The following CRB1 variants were observed in gnomAD, a reference collection of about 807,000 sequenced individuals.
CRB1 encodes the protein crumbs cell polarity complex component 1, also known as protein crumbs homolog 1.
A neutral mutation model predicts 120.0 loss-of-function variants in CRB1; 83 were observed. The ratio of observed to expected loss-of-function variants is 0.69; its 90% CI spans 0.58 to 0.83. CRB1 has a LOEUF of 0.83. Among genes scored for constraint, CRB1 ranks in the 40% least tolerant of loss-of-function variants. The pLI is 0.00. For synonymous variants in CRB1, 625 were observed against 612.5 expected (o/e 1.02, Z -0.30); for missense variants, 1,699 against 1,687.6 (o/e 1.01, Z -0.12).
intron 11 of CRB1, among the ~76,000 whole-genome samples, chr1:197,467,748 A>G (rs1048645071): frequency 1.3e-5 from 2 of 152,218 alleles, no homozygotes; most frequent in African/African-American, 4.8e-5. Flanking sequence ...CTTTTTCTAC[A>G]CTACAAAATG....
At chr1:197,243,078 G>A in the CRB1 span, among the ~76,000 whole-genome samples, 1 of 151,192 alleles carries the variant, frequency 6.6e-6, no homozygotes, top group Admixed American at 6.6e-5. Flanking sequence ...TCCTTCATTA[G>A]TCTGGCTAGT....
At chr1:197,266,422 C>T (rs1654634965), upstream of CRB1, among the ~76,000 whole-genome samples, 2 of 152,114 alleles carry the variant, frequency 1.3e-5, no homozygotes, top group African/African-American at 4.8e-5. Context: ...GTCTAACCAC[C>T]TTTCAAAACT....
chr1:197,412,930 AT>A (rs983440230), intron 5 of CRB1, among the ~76,000 whole-genome samples: 1 of 151,956 alleles, frequency 6.6e-6, no homozygotes, highest in Non-Finnish European at 1.5e-5. Flanking sequence ...CCTGGCGATT[AT>A]TTTTTTTAAC....
At chr1:197,213,314 G>A in the CRB1 span, among the ~76,000 whole-genome samples, 1 of 152,194 alleles carries the variant, frequency 6.6e-6, no homozygotes, top group South Asian at 2.1e-4. Context: ...GTAAGGAATT[G>A]TGTTGCCATG....
chr1:197,362,358 A>G lies in CRB1; in HGVS notation c.1171+5345A>G, dbSNP rs1256479485. Among the ~76,000 whole-genome samples, 4 of 152,280 alleles carry G rather than the reference A, an allele frequency of 2.6e-5. No individual in the cohort carries two copies. The South Asian group carries it at 6.2e-4, about 24-fold the overall frequency. ...CTGCTATTGTTTAGAGGCGATTTCT[A>G]TATATGTCAATTAAATCCCATTGAC... On this transcript the variant is annotated intron_variant, in intron 5 of 11. Transcript: ENST00000367400.
the CRB1 span, among the ~76,000 whole-genome samples, chr1:197,213,206 A>G: frequency 6.6e-6 from 1 of 152,212 alleles, no homozygotes; most frequent in Non-Finnish European, 1.5e-5. Flanking sequence ...TAGTGTATTA[A>G]GTGATTCAAA....
At chr1:197,222,771 C>A in the CRB1 span, 2 of 1,140,468 alleles carry the variant, frequency 1.8e-6, no homozygotes, top group Non-Finnish European at 2.7e-6. Flanking sequence ...TTCTGAACTC[C>A]AAGTGCTACA....
At chr1:197,290,264 T>TTGTGTGTGTGTGTG in intron 1 of CRB1, among the ~76,000 whole-genome samples, 1 of 89,604 alleles carries the variant, frequency 1.1e-5, no homozygotes, top group African/African-American at 4.8e-5. Context: ...ATGTTCCCTT[T>TTGTGTGTGTGTGTG]CGTGTGTGTG....
intron 1 of CRB1, among the ~76,000 whole-genome samples, chr1:197,324,151 G>T (rs1368425120): frequency 1.3e-5 from 2 of 152,158 alleles, no homozygotes; most frequent in Non-Finnish European, 2.9e-5. Context: ...GTTTCAAGGA[G>T]TTTGCATGAG....
intron 4 of CRB1, among the ~76,000 whole-genome samples, chr1:197,348,467 ATTGT>A (rs1659899613): frequency 1.3e-5 from 2 of 152,122 alleles, no homozygotes; most frequent in South Asian, 4.1e-4. Context: ...GAAATTATTT[ATTGT>A]TTATTTATTT....
chr1:197,316,910 C>A (rs570938456), intron 1 of CRB1, among the ~76,000 whole-genome samples: 247 of 135,734 alleles, frequency 1.8e-3, no homozygotes, highest in Non-Finnish European at 1.9e-3. Context: ...ACAATGGCTA[C>A]AAAAAAAAAA....
chr1:197,220,483 C>T, the CRB1 span, among the ~76,000 whole-genome samples: 1 of 152,058 alleles, frequency 6.6e-6, no homozygotes, highest in East Asian at 1.9e-4. Flanking sequence ...AGACAAGATC[C>T]AAGGAGATGG....
chr1:197,305,396 A>C (rs1388576753), intron 1 of CRB1, among the ~76,000 whole-genome samples: 1 of 152,178 alleles, frequency 6.6e-6, no homozygotes, highest in Non-Finnish European at 1.5e-5. Context: ...CTATTAAAAT[A>C]GAGTATACAT....
At chr1:197,298,917 A>G (rs929526610) in intron 1 of CRB1, among the ~76,000 whole-genome samples, 2 of 152,164 alleles carry the variant, frequency 1.3e-5, no homozygotes, top group African/African-American at 4.8e-5. Flanking sequence ...TTTATACTTT[A>G]CAAAAGCAAA....
intron 6 of CRB1, among the ~76,000 whole-genome samples, chr1:197,423,966 A>C (rs989044345): frequency 1.3e-4 from 20 of 152,306 alleles, no homozygotes; most frequent in Admixed American, 1.2e-3. Context: ...TGTTTGTAAG[A>C]ACATGCAGCA....
At position 197,442,656 on chromosome 1, in the gene CRB1, G is replaced by T. The variant is rs148853024; in HGVS notation, c.4005+364G>T. ...ATATAACTAGAAATATCTCCTTATT[G>T]TGTGTATTTAGTACAAACATATTAT... is the stretch of plus-strand genomic sequence containing the variant. On this transcript the variant is annotated intron_variant, in intron 11 of 11. Transcript: ENST00000367400. 2.5e-3 allele frequency: 1,981 copies of T among 780,580 alleles called. 16 individuals are homozygous for T. The highest frequency in any genetic ancestry group is 0.022 in the African/African-American group (1,225 of 56,920). The allele number at this position is 780,580 out of a possible 1,614,324, so 48.4% of individuals were successfully genotyped here. A position where few individuals can be genotyped will look rare whatever the true frequency, so the allele number is the denominator to read the frequency against.
intron 11 of CRB1, among the ~76,000 whole-genome samples, chr1:197,462,118 A>G (rs1463499277): frequency 6.6e-6 from 1 of 152,138 alleles, no homozygotes; most frequent in African/African-American, 2.4e-5. Context: ...TACACATGTA[A>G]TGTTGTCGTT....
the CRB1 span, among the ~76,000 whole-genome samples, chr1:197,229,571 T>C: frequency 2.2e-4 from 34 of 152,316 alleles, 1 homozygote; most frequent in South Asian, 6.4e-3. Context: ...GTGAGCATAG[T>C]GCCCAACAGG....
At chr1:197,279,648 CT>C (rs1655411494) in intron 1 of CRB1, among the ~76,000 whole-genome samples, 1 of 150,586 alleles carries the variant, frequency 6.6e-6, no homozygotes, top group Non-Finnish European at 1.5e-5. Flanking sequence ...GCTATATGAA[CT>C]ACTTGAAGTT....
Sources: allele counts gnomAD v4.1 joint callset (sites outside exome capture counted in the v4.1 genomes callset), GRCh38; gene constraint gnomAD v4.1.1; transcripts MANE v1.5; gene names NCBI Gene and HGNC (gene_info 2026-07-23, HGNC 2026-07-21).